FUT9: variants seen among roughly 807,000 people sequenced by gnomAD.
FUT9 encodes the protein fucosyltransferase 9.
A neutral mutation model predicts 29.7 loss-of-function variants in FUT9; 15 were observed. That is an observed-to-expected ratio of 0.51 (90% CI 0.34 to 0.78). FUT9 has a LOEUF of 0.78. FUT9 is among the 30% of genes least tolerant of loss of function. FUT9 has a pLI of 0.01. For missense variants in FUT9, 319 were observed against 425.4 expected, an observed-to-expected ratio of 0.75 and a Z score of 2.20; for synonymous variants, 169 against 153.7, an observed-to-expected ratio of 1.10 and a Z score of -0.74.
At chr6:96,051,345 A>T (rs542904189) in intron 1 of FUT9, among the ~76,000 whole-genome samples, 3 of 152,262 alleles carry the variant, frequency 2.0e-5, no homozygotes, top group Middle Eastern at 3.4e-3. Context: ...GACTGACTTG[A>T]AATTCTTTTT....
intron 1 of FUT9, among the ~76,000 whole-genome samples, chr6:96,107,206 T>C (rs889189355): frequency 1.3e-5 from 2 of 152,180 alleles, no homozygotes; most frequent in Non-Finnish European, 2.9e-5. Flanking sequence ...TATTCATACA[T>C]GTCTTAAAAC....
rs1041736747 is a variant in FUT9 at position 96,210,761 on chromosome 6, G to A, written c.*6526G>A. 1 of 166,778 alleles carries A rather than the reference G, an allele frequency of 6.0e-6. No homozygotes were observed. Among genetic ancestry groups the A allele is most frequent in the Non-Finnish European group, 1.5e-5 (1 of 68,000 alleles). The allele number at this position is 166,778 out of a possible 1,614,324, so 10.3% of individuals were successfully genotyped here. A position where few individuals can be genotyped will look rare whatever the true frequency, so the allele number is the denominator to read the frequency against. ...CATTCTTGGGTTCCAAAGTCTCCTT[G>A]TCTGATAGGTAATTTGCAATTGAGA... On this transcript the variant is annotated 3_prime_UTR_variant, in exon 3 of 3. Coordinates refer to ENST00000302103, the MANE Select transcript of FUT9 (RefSeq NM_006581.4).
chr6:96,168,617 G>C (rs762500245), intron 2 of FUT9, among the ~76,000 whole-genome samples: 25 of 152,300 alleles, frequency 1.6e-4, no homozygotes, highest in Non-Finnish European at 3.4e-4. Flanking sequence ...GAAAATGGCT[G>C]ATTAGAAGGT....
chr6:96,198,223 C>T (rs1168648328), intron 2 of FUT9, among the ~76,000 whole-genome samples: 4 of 151,888 alleles, frequency 2.6e-5, no homozygotes, highest in Admixed American at 6.6e-5. Context: ...CCCACTAACT[C>T]GTCATCTAGC....
intron 1 of FUT9, among the ~76,000 whole-genome samples, chr6:96,060,963 G>T (rs915550610): frequency 6.6e-6 from 1 of 152,082 alleles, no homozygotes. Flanking sequence ...TAAATCTGTT[G>T]CCATTTTAGT....
chr6:96,122,524 A>G (rs1482941155), intron 2 of FUT9, among the ~76,000 whole-genome samples: 1 of 152,184 alleles, frequency 6.6e-6, no homozygotes, highest in Admixed American at 6.5e-5. Context: ...ATGTACACAT[A>G]ATTTTACATG....
intron 2 of FUT9, among the ~76,000 whole-genome samples, chr6:96,118,095 C>T (rs1322585837): frequency 6.6e-6 from 1 of 151,704 alleles, no homozygotes; most frequent in Non-Finnish European, 1.5e-5. Flanking sequence ...GTCCCAGCTA[C>T]TGGGAAGGCT....
At chr6:96,058,662 G>A (rs572207428) in intron 1 of FUT9, among the ~76,000 whole-genome samples, 5 of 152,036 alleles carry the variant, frequency 3.3e-5, no homozygotes, top group African/African-American at 7.2e-5. Context: ...TTAACGCAGC[G>A]GGACCTAGCA....
At chr6:96,037,988 C>T (rs975653301) in intron 1 of FUT9, among the ~76,000 whole-genome samples, 1 of 141,598 alleles carries the variant, frequency 7.1e-6, no homozygotes, top group African/African-American at 2.6e-5. Context: ...CTATAGACAC[C>T]TGAAACATAC....
chr6:96,123,125 A>G (rs1772063560), intron 2 of FUT9, among the ~76,000 whole-genome samples: 1 of 151,082 alleles, frequency 6.6e-6, no homozygotes, highest in Non-Finnish European at 1.5e-5. Flanking sequence ...TATTGTGAGG[A>G]TTAAATGCAA....
chr6:96,120,526 G>A (rs1382440584), intron 2 of FUT9, among the ~76,000 whole-genome samples: 9 of 145,332 alleles, frequency 6.2e-5, no homozygotes, highest in South Asian at 2.2e-4. Context: ...CTCGTGATCC[G>A]CCCGCCTCGG....
At chr6:96,166,108 AAGAG>A (rs1184721682) in intron 2 of FUT9, among the ~76,000 whole-genome samples, 5 of 151,856 alleles carry the variant, frequency 3.3e-5, no homozygotes, top group Middle Eastern at 3.4e-3. Context: ...TTTAAAACAA[AAGAG>A]AGAGAGAGAG....
chr6:96,063,685 G>A (rs1362527445), intron 1 of FUT9, among the ~76,000 whole-genome samples: 1 of 152,152 alleles, frequency 6.6e-6, no homozygotes, highest in Non-Finnish European at 1.5e-5. Flanking sequence ...TGAAGGCAAT[G>A]AAGCATTGCA....
At chr6:96,171,705 AGCTTTAGAAAGG>A (rs1329627326) in intron 2 of FUT9, among the ~76,000 whole-genome samples, 1 of 152,150 alleles carries the variant, frequency 6.6e-6, no homozygotes, top group African/African-American at 2.4e-5. Flanking sequence ...TCTAAATAGC[AGCTTTAGAAAGG>A]GCCCATGCAG....
At chr6:96,140,488 C>A (rs1403783046) in intron 2 of FUT9, among the ~76,000 whole-genome samples, 1 of 152,072 alleles carries the variant, frequency 6.6e-6, no homozygotes. Flanking sequence ...AAACTGGTAC[C>A]AATTTACTGT....
Position 96,116,095 on chromosome 6 carries a change from C to T in FUT9, c.-9+1968C>T, listed in dbSNP as rs116077353. ...CATAATATATAAAAAACTCTTAAAACGTAATAAGAAAGTAAATCTAATTTT... is the reference window on the plus strand; with the variant it reads ...CATAATATATAAAAAACTCTTAAAATGTAATAAGAAAGTAAATCTAATTTT... On this transcript the variant is annotated intron_variant, in intron 2 of 2. Transcript: ENST00000302103. Among the ~76,000 whole-genome samples, 517 of 152,030 alleles carry T rather than the reference C, an allele frequency of 3.4e-3. 3 individuals are homozygous for T. Among genetic ancestry groups the T allele is most frequent in the Middle Eastern group, 0.014 (4 of 292 alleles).
chr6:96,183,253 T>C (rs1404547171), intron 2 of FUT9, among the ~76,000 whole-genome samples: 1 of 152,018 alleles, frequency 6.6e-6, no homozygotes, highest in Non-Finnish European at 1.5e-5. Flanking sequence ...AGATTGGTCA[T>C]TGTTGGTGCA....
intron 2 of FUT9, among the ~76,000 whole-genome samples, chr6:96,198,457 T>C (rs907709738): frequency 6.6e-6 from 1 of 152,170 alleles, no homozygotes; most frequent in African/African-American, 2.4e-5. Context: ...TCATCCTTTT[T>C]TATGGCTGCA....
At chr6:96,035,628 A>G (rs1770339061) in intron 1 of FUT9, among the ~76,000 whole-genome samples, 1 of 137,770 alleles carries the variant, frequency 7.3e-6, no homozygotes, top group South Asian at 2.2e-4. Flanking sequence ...TAATTAAAAT[A>G]TAATAAAATA....
Sources: allele counts gnomAD v4.1 joint callset (sites outside exome capture counted in the v4.1 genomes callset), GRCh38; gene constraint gnomAD v4.1.1; transcripts MANE v1.5; gene names NCBI Gene and HGNC (gene_info 2026-07-23, HGNC 2026-07-21).